The following CNTN4 variants were observed in gnomAD, a reference collection of about 807,000 sequenced individuals.
CNTN4 encodes contactin-4.
Under a neutral mutation model 122.5 loss-of-function variants are expected in CNTN4, and 77 were observed. The observed-to-expected ratio is 0.63, with a 90% confidence interval of 0.52 to 0.76. The LOEUF is 0.76. Ranked by LOEUF, CNTN4 falls within the 30% of genes least tolerant of loss-of-function variation. CNTN4 has a pLI of 0.00. For missense variants in CNTN4, 1,256 were observed against 1,259.1 expected, an observed-to-expected ratio of 1.00 and a Z score of 0.04; for synonymous variants, 512 against 447.0, an observed-to-expected ratio of 1.15 and a Z score of -1.83.
intron 2 of CNTN4, among the ~76,000 whole-genome samples, chr3:2,306,293 C>T (rs2042701149): frequency 6.6e-6 from 1 of 152,090 alleles, no homozygotes; most frequent in Non-Finnish European, 1.5e-5. Context: ...CTTGTCAGCT[C>T]TATATGTTGC....
At chr3:2,991,825 G>A (rs536483171) in intron 14 of CNTN4, among the ~76,000 whole-genome samples, 3 of 149,924 alleles carry the variant, frequency 2.0e-5, no homozygotes, top group Admixed American at 6.6e-5. Context: ...ATGACTGAGC[G>A]CTGTATTTTA....
rs559637086 is a variant in CNTN4 at position 2,484,992 on chromosome 3, C to T, written c.-88-86424C>T. Among the ~76,000 whole-genome samples, 14 of 152,316 alleles carry T rather than the reference C, an allele frequency of 9.2e-5. No homozygotes were observed. In the South Asian group the frequency reaches 1.0e-3, roughly 11 times the overall value. ...CCAGGTGGCCGTGGGCTCGGCGGCC[C>T]GCACTCAGAGCAGCGGGCTGGTGCC... is the stretch of plus-strand genomic sequence containing the variant. On this transcript the variant is annotated intron_variant, in intron 3 of 24. Coordinates refer to ENST00000418658, the MANE Select transcript of CNTN4 (RefSeq NM_175607.3).
At chr3:2,176,445 A>G (rs1351039202) in intron 2 of CNTN4, among the ~76,000 whole-genome samples, 2 of 152,140 alleles carry the variant, frequency 1.3e-5, no homozygotes, top group Non-Finnish European at 2.9e-5. Context: ...TATTATGTAT[A>G]TTAGGAAAAT....
intron 3 of CNTN4, among the ~76,000 whole-genome samples, chr3:2,564,738 C>T (rs1449818684): frequency 3.3e-5 from 5 of 151,786 alleles, no homozygotes; most frequent in African/African-American, 7.3e-5. Flanking sequence ...AGGGTCTTCT[C>T]GGTAGCAAAA....
intron 4 of CNTN4, among the ~76,000 whole-genome samples, chr3:2,623,272 T>C (rs1017418142): frequency 3.3e-5 from 5 of 151,794 alleles, no homozygotes; most frequent in Non-Finnish European, 2.9e-5. Flanking sequence ...TTTTTTTCCC[T>C]GATTTTCTAC....
chr3:2,150,110 C>T (rs879263404), intron 2 of CNTN4, among the ~76,000 whole-genome samples: 8 of 152,042 alleles, frequency 5.3e-5, no homozygotes, highest in Non-Finnish European at 8.8e-5. Flanking sequence ...ACATTGTGAG[C>T]ATTCAGTAAA....
intron 4 of CNTN4, among the ~76,000 whole-genome samples, chr3:2,696,346 A>G (rs2086033814): frequency 6.6e-6 from 1 of 152,222 alleles, no homozygotes; most frequent in Non-Finnish European, 1.5e-5. Context: ...TGGTGGTATG[A>G]AGAGATGAAG....
chr3:2,892,375 A>G (rs932037126), intron 10 of CNTN4: 3 of 152,322 alleles, frequency 2.0e-5, no homozygotes, highest in African/African-American at 7.2e-5. Context: ...TTGTCCACCC[A>G]TGGTATTGTG....
At chr3:2,346,599 G>T (rs2044404446) in intron 3 of CNTN4, among the ~76,000 whole-genome samples, 1 of 152,044 alleles carries the variant, frequency 6.6e-6, no homozygotes. Flanking sequence ...GTTAAGCTAG[G>T]ATTGGAATTC....
At chr3:2,235,243 A>G (rs567307614) in intron 2 of CNTN4, among the ~76,000 whole-genome samples, 23 of 152,282 alleles carry the variant, frequency 1.5e-4, no homozygotes, top group African/African-American at 4.8e-4. Flanking sequence ...CAATTTGTAC[A>G]TTTATCAAGG....
At chr3:2,202,244 T>C (rs1436234659) in intron 2 of CNTN4, among the ~76,000 whole-genome samples, 1 of 152,166 alleles carries the variant, frequency 6.6e-6, no homozygotes, top group African/African-American at 2.4e-5. Context: ...AGAAAAAGTG[T>C]GTATTTTCAA....
At chr3:2,379,971 C>T (rs961259795) in intron 3 of CNTN4, among the ~76,000 whole-genome samples, 1 of 150,002 alleles carries the variant, frequency 6.7e-6, no homozygotes, top group Non-Finnish European at 1.5e-5. Flanking sequence ...ACCGGAGAAT[C>T]GCTTGAACCC....
In CNTN4 at chr3:2,197,408, T is replaced by A. The variant is rs543928209; in HGVS notation, c.-145+96769T>A. 9.8e-5 allele frequency among the ~76,000 whole-genome samples: 15 copies of A among 152,366 alleles called. No individual in the cohort carries two copies. The South Asian group carries it at 3.1e-3, about 32-fold the overall frequency. ...GCAGGAAAGAATCCGTATGAATTATTCTGCATTTACAATTTATTGAGTACA... is the reference window on the plus strand; with the variant it reads ...GCAGGAAAGAATCCGTATGAATTATACTGCATTTACAATTTATTGAGTACA... On this transcript the variant is annotated intron_variant, in intron 2 of 24. Transcript: ENST00000418658.
intron 7 of CNTN4, among the ~76,000 whole-genome samples, chr3:2,833,348 C>A (rs1049640114): frequency 2.6e-5 from 4 of 152,138 alleles, no homozygotes; most frequent in African/African-American, 9.7e-5. Context: ...TAGTGATAAG[C>A]ATGGCTAACT....
chr3:2,648,534 C>T (rs1025901705), intron 4 of CNTN4, among the ~76,000 whole-genome samples: 9 of 152,024 alleles, frequency 5.9e-5, no homozygotes, highest in Admixed American at 3.3e-4. Flanking sequence ...TACCATGAAC[C>T]GCACCCATAT....
At chr3:2,729,171 G>A (rs992447496) in intron 4 of CNTN4, among the ~76,000 whole-genome samples, 13 of 152,200 alleles carry the variant, frequency 8.5e-5, no homozygotes, top group African/African-American at 2.2e-4. Context: ...GTCATGCGGC[G>A]AAATGTGGCC....
chr3:2,405,871 A>G (rs570639500), intron 3 of CNTN4, among the ~76,000 whole-genome samples: 140 of 152,048 alleles, frequency 9.2e-4, no homozygotes, highest in African/African-American at 3.3e-3. Flanking sequence ...TACAAGAAAT[A>G]CACAAATTAT....
chr3:2,453,288 A>G (rs976970993), intron 3 of CNTN4, among the ~76,000 whole-genome samples: 10 of 152,150 alleles, frequency 6.6e-5, no homozygotes, highest in African/African-American at 2.4e-4. Flanking sequence ...CCTACAGTGA[A>G]CTTTTCATGT....
intron 13 of CNTN4, among the ~76,000 whole-genome samples, chr3:2,975,824 A>G (rs1163973118): frequency 6.6e-6 from 1 of 152,212 alleles, no homozygotes; most frequent in African/African-American, 2.4e-5. Flanking sequence ...ATATGGAAGT[A>G]TAGAAAATAA....
Sources: gnomAD v4.1 joint callset for allele counts (sites outside exome capture counted in the v4.1 genomes callset) on GRCh38, gnomAD v4.1.1 for gene constraint, MANE v1.5 for transcripts, NCBI Gene and HGNC (gene_info 2026-07-23, HGNC 2026-07-21) for gene names.